Variants in RNF216 observed in about 807,000 individuals in gnomAD.
RNF216 encodes ring finger protein 216, also known as E3 ubiquitin-protein ligase RNF216.
RNF216 carries 72 observed loss-of-function variants against 110.8 expected under a neutral mutation model. The observed-to-expected ratio is 0.65, with a 90% CI of 0.54 to 0.79. The LOEUF is 0.79. Ranked by LOEUF, RNF216 falls within the 30% of genes least tolerant of loss-of-function variation. RNF216 has a pLI of 0.00. For synonymous variants in RNF216, 495 were observed against 407.5 expected (o/e 1.21, Z -2.59); for missense variants, 1,342 against 1,141.2 (o/e 1.18, Z -2.54).
intron 2 of RNF216, among the ~76,000 whole-genome samples, chr7:5,754,119 G>T (rs554750622): frequency 4.2e-5 from 6 of 141,998 alleles, no homozygotes; most frequent in Admixed American, 1.4e-4. Context: ...TCTTTTGTGT[G>T]GTGTGTGTGT....
rs563853037 is a variant in RNF216, at chr7:5,781,267, C to A, written c.-70+274G>T. Among the ~76,000 whole-genome samples, 3 of 152,226 alleles carry A rather than the reference C, an allele frequency of 2.0e-5. No individual in the cohort carries two copies. In the South Asian group the frequency reaches 6.2e-4, roughly 32 times the overall value. On this transcript the variant is annotated intron_variant, in intron 1 of 16. Coordinates refer to ENST00000389902, the MANE Select transcript of RNF216 (RefSeq NM_207111.4). ...TCGCGCAGCAGACCCGAGGGGCCGG[C>A]CCGCGAAACTTCGCGAAGTGGCGAG...
intron 14 of RNF216, among the ~76,000 whole-genome samples, chr7:5,642,207 G>T (rs1787777426): frequency 6.6e-6 from 1 of 150,388 alleles, no homozygotes; most frequent in African/African-American, 2.5e-5. Context: ...ACAACTCAAG[G>T]TTCTGTTTTG....
rs112105245 is a variant in RNF216 at position 5,744,710 on chromosome 7, T to C, written c.202-2895A>G. ...CTTCTGGCTAGGCACGGTTGGCTTA[T>C]GCCTATAATCCCAGCACTTTGGGAG... On this transcript the variant is annotated intron_variant, in intron 3 of 16. Transcript: ENST00000389902. Among the ~76,000 whole-genome samples the C allele has an allele frequency of 2.2e-3, 341 of 152,330 alleles. 3 individuals are homozygous for C. Among genetic ancestry groups the C allele is most frequent in the Middle Eastern group, 0.01 (3 of 294 alleles).
At position 5,680,002 on chromosome 7, in the gene RNF216, G is replaced by C. The variant is rs1389285416; in HGVS notation, c.2062-27492C>G. Among the ~76,000 whole-genome samples the C allele has an allele frequency of 6.6e-6, 1 of 152,152 alleles. No individual in the cohort carries two copies. Among genetic ancestry groups the C allele is most frequent in the Non-Finnish European group, 1.5e-5 (1 of 68,030 alleles). On this transcript the variant is annotated intron_variant, in intron 13 of 16. Coordinates refer to ENST00000389902, the MANE Select transcript of RNF216 (RefSeq NM_207111.4). The surrounding 1 kb of genome is among the most constrained non-coding windows in gnomAD (Gnocchi z 4.3). ...TCTTGCTGGGATCATTACATCCTCA[G>C]TCCTCTGCTACCAGAATAATCATGT...
chr7:5,663,732 T>A (rs1306312479), intron 13 of RNF216, among the ~76,000 whole-genome samples: 1 of 145,366 alleles, frequency 6.9e-6, no homozygotes. Context: ...ACCCTGTCTC[T>A]ACTAAAAATA....
chr7:5,705,327 G>GC (rs986045960), intron 13 of RNF216, among the ~76,000 whole-genome samples: 4 of 152,160 alleles, frequency 2.6e-5, no homozygotes, highest in Non-Finnish European at 4.4e-5. Flanking sequence ...TTTGTAAACA[G>GC]CATCATCAAC....
At position 5,620,452 on chromosome 7, in the gene RNF216, A is replaced by G. The variant is rs955248479; in HGVS notation, c.*2408T>C. The G allele has an allele frequency of 1.3e-5, 2 of 152,212 alleles. No individual in the cohort carries two copies. Among genetic ancestry groups the G allele is most frequent in the African/African-American group, 4.8e-5 (2 of 41,412 alleles). The allele number at this position is 152,212 out of a possible 1,614,324, so 9.4% of individuals were successfully genotyped here. On this transcript the variant is annotated 3_prime_UTR_variant, in exon 17 of 17. Transcript: ENST00000389902. The stretch of plus-strand genomic sequence containing the variant: ...GAAGACCCCCAGTGCTTCTCTCCCC[A>G]ATGCTGTCACTGGTCCAGGCAGGAG...
chr7:5,634,162 G>A (rs1476675713), intron 15 of RNF216, among the ~76,000 whole-genome samples: 1 of 152,120 alleles, frequency 6.6e-6, no homozygotes, highest in African/African-American at 2.4e-5. Flanking sequence ...TGGTCCCCAG[G>A]GCTGGCTGTC....
chr7:5,721,226 T>C (rs1584510233), intron 8 of RNF216, 54 bp from the exon 9 acceptor site: 2 of 1,550,228 alleles, frequency 1.3e-6, no homozygotes, highest in Non-Finnish European at 1.8e-6. Context: ...GTTAGGAACC[T>C]GGGCCAGCCA....
In RNF216 at chr7:5,680,739, G is replaced by A. The variant is rs1790600192; in HGVS notation, c.2062-28229C>T. 6.6e-6 allele frequency among the ~76,000 whole-genome samples: 1 copy of A among 152,166 alleles called. No homozygotes were observed. The highest frequency in any genetic ancestry group is 2.1e-4 in the South Asian group (1 of 4,826). Reference sequence around the variant, plus strand: ...ACTTGGATATCTAAAAGGCACCCCAGACAAAAGATGTCTGAAGCACCACTT... The same window carrying A: ...ACTTGGATATCTAAAAGGCACCCCAAACAAAAGATGTCTGAAGCACCACTT... On this transcript the variant is annotated intron_variant, in intron 13 of 16. Coordinates refer to ENST00000389902, the MANE Select transcript of RNF216 (RefSeq NM_207111.4). The surrounding 1 kb of genome is among the most constrained non-coding windows in gnomAD (Gnocchi z 4.3).
rs1562433214 is a variant in RNF216 at position 5,725,405 on chromosome 7, GCTC to G, written c.1420_1422del (p.Glu474del). On this transcript the variant is annotated inframe_deletion, in exon 8 of 17. Transcript: ENST00000389902. Reference sequence around the variant, plus strand: ...CTTTTTCCACTGGTTTCTGGTGACAGCTCCTGCCATTTTTTAATGGCATCAGAC... The same window carrying G: ...CTTTTTCCACTGGTTTCTGGTGACAGCTGCCATTTTTTAATGGCATCAGAC... 2 of 1,613,220 alleles carry G rather than the reference GCTC, an allele frequency of 1.2e-6. No individual in the cohort carries two copies. The highest frequency in any genetic ancestry group is 2.2e-5 in the South Asian group (2 of 91,060).
At chr7:5,679,525 G>A (rs1790519795) in intron 13 of RNF216, among the ~76,000 whole-genome samples, 1 of 152,240 alleles carries the variant, frequency 6.6e-6, no homozygotes, top group Non-Finnish European at 1.5e-5. Context: ...TAGGAGTGCT[G>A]ACCAGAGTCC....
At chr7:5,636,784 C>T (rs1463566634) in intron 15 of RNF216, among the ~76,000 whole-genome samples, 1 of 152,146 alleles carries the variant, frequency 6.6e-6, no homozygotes, top group Non-Finnish European at 1.5e-5. Flanking sequence ...TCCTTTCAAA[C>T]TTTATTTTGA....
chr7:5,739,269 T>G lies in RNF216; in HGVS notation c.1121+7A>C. The G allele has an allele frequency of 6.3e-7, 1 of 1,576,134 alleles. No homozygotes were observed. Among genetic ancestry groups the G allele is most frequent in the Non-Finnish European group, 8.6e-7 (1 of 1,166,964 alleles). Reference sequence around the variant, plus strand: ...CCACCACAAAAAAAGCATGGTAGTATACTTACACATTCAGATCATAATAAT... The same window carrying G: ...CCACCACAAAAAAAGCATGGTAGTAGACTTACACATTCAGATCATAATAAT... On this transcript the variant is annotated splice_region_variant and intron_variant, in intron 5 of 16. Coordinates refer to ENST00000389902, the MANE Select transcript of RNF216 (RefSeq NM_207111.4).
At chr7:5,758,736 A>C (rs1362136891) in intron 2 of RNF216, among the ~76,000 whole-genome samples, 2 of 152,158 alleles carry the variant, frequency 1.3e-5, no homozygotes, top group Non-Finnish European at 2.9e-5. Flanking sequence ...GTACCCCCAT[A>C]GTATCTTGGG....
intron 14 of RNF216, among the ~76,000 whole-genome samples, chr7:5,644,038 G>C (rs80041347): frequency 0.011 from 1,707 of 152,238 alleles, 42 homozygotes; most frequent in African/African-American, 0.039. Flanking sequence ...CCTTTTTATG[G>C]TTGGATAATA....
chr7:5,666,735 A>T (rs943841456), intron 13 of RNF216: 9 of 152,030 alleles, frequency 5.9e-5, no homozygotes, highest in African/African-American at 2.2e-4. Flanking sequence ...GGCTGTGACT[A>T]AGCCCCTTCC....
At chr7:5,689,584 C>T (rs1791201979) in intron 13 of RNF216, among the ~76,000 whole-genome samples, 1 of 151,902 alleles carries the variant, frequency 6.6e-6, no homozygotes, top group Non-Finnish European at 1.5e-5. Flanking sequence ...GTTTTTAAAG[C>T]ATAAGAAATG....
chr7:5,646,301 G>A (rs556290822), intron 14 of RNF216, among the ~76,000 whole-genome samples: 1 of 152,176 alleles, frequency 6.6e-6, no homozygotes, highest in African/African-American at 2.4e-5. Context: ...CCCAGAGGTG[G>A]AGGTTGCAGT....
Sources: allele counts gnomAD v4.1 joint callset (sites outside exome capture counted in the v4.1 genomes callset), GRCh38; gene constraint gnomAD v4.1.1; non-coding constraint Gnocchi (gnomAD v3.1); transcripts MANE v1.5; gene names NCBI Gene and HGNC (gene_info 2026-07-23, HGNC 2026-07-21).